The following CLASP2 variants were observed in gnomAD, a reference collection of about 807,000 sequenced individuals.
CLASP2 encodes cytoplasmic linker associated protein 2.
A neutral mutation model predicts 194.4 loss-of-function variants in CLASP2; 47 were observed. The observed-to-expected ratio is 0.24, with a 90% confidence interval of 0.19 to 0.31. The LOEUF is 0.31. Ranked by LOEUF, CLASP2 falls within the 10% of genes least tolerant of loss-of-function variation. The probability of loss-of-function intolerance (pLI) is 1.00; values close to 1 mark genes in which losing one functional copy is unlikely to be tolerated. For missense variants in CLASP2, 1,445 were observed against 1,823.6 expected, an observed-to-expected ratio of 0.79 and a Z score of 3.78; for synonymous variants, 619 against 633.5, an observed-to-expected ratio of 0.98 and a Z score of 0.34.
intron 9 of CLASP2, among the ~76,000 whole-genome samples, chr3:33,627,467 A>C (rs1209438954): frequency 6.6e-6 from 1 of 152,172 alleles, no homozygotes; most frequent in Non-Finnish European, 1.5e-5. Context: ...GTTATAAGTT[A>C]GTTTTAATTT....
At chr3:33,630,440 T>C (rs553268641) in intron 9 of CLASP2, among the ~76,000 whole-genome samples, 3 of 152,074 alleles carry the variant, frequency 2.0e-5, no homozygotes, top group Admixed American at 2.0e-4. Context: ...CTCATATAAA[T>C]GGGTATAGGA....
intron 21 of CLASP2, among the ~76,000 whole-genome samples, chr3:33,587,829 G>C (rs984385472): frequency 6.6e-5 from 10 of 152,212 alleles, no homozygotes; most frequent in Admixed American, 2.6e-4. Flanking sequence ...TGCAAGATAG[G>C]CCAATGGAAT....
At chr3:33,542,528 C>G (rs2058525108) in intron 32 of CLASP2, among the ~76,000 whole-genome samples, 1 of 149,168 alleles carries the variant, frequency 6.7e-6, no homozygotes, top group African/African-American at 2.4e-5. Flanking sequence ...GAATATAAAT[C>G]ATTCTGTTAT....
In CLASP2 at chr3:33,689,820, T is replaced by C. The variant is rs1357266526; in HGVS notation, c.378+9A>G. ...TTAGCAAAATCTGAATTTTAAAATG[T>C]AGGCTTACCATAGGTGGTGCTACTT... On this transcript the variant is annotated intron_variant, in intron 3 of 38. Coordinates refer to ENST00000682230, the MANE Select transcript of CLASP2 (RefSeq NM_001365631.1). 1.3e-6 allele frequency: 2 copies of C among 1,538,836 alleles called. No individual in the cohort carries two copies. Among genetic ancestry groups the C allele is most frequent in the East Asian group, 4.7e-5 (2 of 42,958 alleles).
At chr3:33,615,598 T>G (rs2076010504) in intron 12 of CLASP2, among the ~76,000 whole-genome samples, 1 of 149,534 alleles carries the variant, frequency 6.7e-6, no homozygotes, top group Non-Finnish European at 1.5e-5. Context: ...TTGAATAACG[T>G]AAATAAAACA....
intron 34 of CLASP2, among the ~76,000 whole-genome samples, chr3:33,524,778 C>T (rs1454622265): frequency 1.3e-5 from 2 of 152,098 alleles, no homozygotes; most frequent in Admixed American, 6.5e-5. Context: ...GAATAAATAA[C>T]AACTATAAAC....
chr3:33,681,750 A>G (rs2089890632), intron 6 of CLASP2, among the ~76,000 whole-genome samples: 1 of 152,190 alleles, frequency 6.6e-6, no homozygotes, highest in South Asian at 2.1e-4. Context: ...ACATACTACT[A>G]TGGTTTGAAT....
At chr3:33,603,704 C>T (rs529558402) in intron 17 of CLASP2, among the ~76,000 whole-genome samples, 1 of 152,238 alleles carries the variant, frequency 6.6e-6, no homozygotes, top group African/African-American at 2.4e-5. Context: ...CTCACTGCAA[C>T]CTCCACTTTC....
intron 21 of CLASP2, among the ~76,000 whole-genome samples, chr3:33,589,302 T>A (rs995129919): frequency 4.6e-5 from 7 of 152,240 alleles, no homozygotes; most frequent in Non-Finnish European, 1.0e-4. Context: ...GCTCTCTCCA[T>A]TGAGTCTCCA....
At chr3:33,566,830 G>T in intron 26 of CLASP2, 96 bp from the exon 27 acceptor site, 1 of 382,842 alleles carries the variant, frequency 2.6e-6, no homozygotes. Context: ...CAAAGTTCCT[G>T]TATGGAAGAA....
chr3:33,567,471 G>A (rs1238616765), intron 26 of CLASP2, among the ~76,000 whole-genome samples: 3 of 152,204 alleles, frequency 2.0e-5, no homozygotes, highest in Non-Finnish European at 4.4e-5. Flanking sequence ...ATGCACCACA[G>A]TGAAGGCAGT....
chr3:33,703,671 A>G (rs1016188209), intron 1 of CLASP2, among the ~76,000 whole-genome samples: 23 of 152,236 alleles, frequency 1.5e-4, no homozygotes, highest in African/African-American at 5.3e-4. Context: ...TTTTTTGCAG[A>G]GGCAGGGTTT....
intron 34 of CLASP2, among the ~76,000 whole-genome samples, chr3:33,531,153 T>C (rs2056201617): frequency 6.6e-6 from 1 of 152,024 alleles, no homozygotes; most frequent in African/African-American, 2.4e-5. Context: ...GAATAGAATA[T>C]ACAGCCCCCA....
chr3:33,516,053 T>G lies in CLASP2; in HGVS notation c.4080A>C (p.Thr1360=). 6.2e-7 allele frequency: 1 copy of G among 1,611,186 alleles called. No individual in the cohort carries two copies. Among genetic ancestry groups the G allele is most frequent in the East Asian group, 2.2e-5 (1 of 44,756 alleles). Residue 1360 remains threonine, a synonymous_variant, in exon 36 of 39, where the codon ACA becomes ACC. Transcript: ENST00000682230. ...TATGAGGATCTTTATGTGCTTCCAATGTTTTCATGACAGTCAATTCTGCAT... is the reference window on the plus strand; with the variant it reads ...TATGAGGATCTTTATGTGCTTCCAAGGTTTTCATGACAGTCAATTCTGCAT... ...KNYAELTVMK[T]LEAHKDPHKE... is the part of the protein sequence containing the mutation.
At chr3:33,524,904 A>G (rs1396738743) in intron 34 of CLASP2, among the ~76,000 whole-genome samples, 1 of 152,236 alleles carries the variant, frequency 6.6e-6, no homozygotes, top group Non-Finnish European at 1.5e-5. Context: ...CTCACTCTCA[A>G]TAATGGATAG....
chr3:33,565,766 T>C (rs191484621), intron 27 of CLASP2, among the ~76,000 whole-genome samples: 198 of 151,886 alleles, frequency 1.3e-3, no homozygotes, highest in Admixed American at 1.6e-3. Context: ...GAGCTGAGAT[T>C]GAGCCATTGC....
intron 14 of CLASP2, 147 bp from the exon 15 acceptor site, chr3:33,607,608 C>T (rs1390570092): frequency 2.0e-6 from 1 of 507,554 alleles, no homozygotes; most frequent in East Asian, 3.1e-5. Flanking sequence ...AAATCTAAGA[C>T]CATAAGATTT....
intron 33 of CLASP2, 102 bp from the exon 34 acceptor site, chr3:33,535,563 A>C: frequency 2.2e-6 from 2 of 901,924 alleles, no homozygotes; most frequent in Middle Eastern, 2.2e-4. Context: ...GACAATTTTA[A>C]AAAGATAACA....
At chr3:33,621,123 T>C (rs1429785987) in intron 11 of CLASP2, among the ~76,000 whole-genome samples, 1 of 151,948 alleles carries the variant, frequency 6.6e-6, no homozygotes, top group Non-Finnish European at 1.5e-5. Context: ...TGTTTCCTCA[T>C]CTCAGTGAGA....
Sources: gnomAD v4.1 joint callset for allele counts (sites outside exome capture counted in the v4.1 genomes callset) on GRCh38, gnomAD v4.1.1 for gene constraint, MANE v1.5 for transcripts, NCBI Gene and HGNC (gene_info 2026-07-23, HGNC 2026-07-21) for gene names.